Variants in PTGR1 observed in about 807,000 individuals in gnomAD.
PTGR1 encodes the protein 15-oxoprostaglandin 13-reductase.
PTGR1 carries 23 observed loss-of-function variants against 37.7 expected under a neutral mutation model. That is an observed-to-expected ratio of 0.61 (90% CI 0.44 to 0.86). PTGR1 has a LOEUF of 0.86. Among genes scored for constraint, PTGR1 ranks in the 40% least tolerant of loss-of-function variants. PTGR1 has a pLI of 0.00. For missense variants in PTGR1, 351 were observed against 394.3 expected (o/e 0.89, Z 0.93); for synonymous variants, 134 against 140.0 (o/e 0.96, Z 0.30).
intron 9 of PTGR1, among the ~76,000 whole-genome samples, chr9:111,554,235 C>T (rs905262787): frequency 1.3e-5 from 2 of 152,062 alleles, no homozygotes; most frequent in African/African-American, 2.4e-5. Context: ...TGTTTGTTTG[C>T]CTGGGAGCAT....
chr9:111,569,005 G>C lies in PTGR1; in HGVS notation c.879+1086C>G, dbSNP rs181947823. Among the ~76,000 whole-genome samples, 50 of 152,346 alleles carry C rather than the reference G, an allele frequency of 3.3e-4. 1 individual carries two copies. Among genetic ancestry groups the C allele is most frequent in the African/African-American group, 1.1e-3 (45 of 41,580 alleles). ...AAGATGACCAAGGCTTTTGGATTGA[G>C]AAACTAGAAGTATAGAATTGTTATA... On this transcript the variant is annotated intron_variant, in intron 9 of 9. Transcript: ENST00000407693.
At chr9:111,559,331 G>C (rs540278693), downstream of PTGR1, among the ~76,000 whole-genome samples, 1 of 152,142 alleles carries the variant, frequency 6.6e-6, no homozygotes, top group South Asian at 2.1e-4. Context: ...ATACTGTGTG[G>C]ACTTTGACTC....
chr9:111,593,723 C>T (rs562965797), intron 3 of PTGR1, among the ~76,000 whole-genome samples: 6 of 152,188 alleles, frequency 3.9e-5, no homozygotes, highest in Non-Finnish European at 5.9e-5. Context: ...GGCTGGAGTG[C>T]GGTGGCAAGA....
chr9:111,555,265 A>G (rs939829193), intron 9 of PTGR1, among the ~76,000 whole-genome samples: 3 of 152,174 alleles, frequency 2.0e-5, no homozygotes, highest in Non-Finnish European at 2.9e-5. Context: ...GTGAATTGAT[A>G]ATCACCTGGC....
chr9:111,570,310 T>C lies in PTGR1; in HGVS notation c.761-101A>G, dbSNP rs1828755204. 7 of 1,466,186 alleles carry C rather than the reference T, an allele frequency of 4.8e-6. 1 individual carries two copies. Among genetic ancestry groups the C allele is most frequent in the African/African-American group, 1.4e-5 (1 of 70,674 alleles). 90.8% of individuals were successfully genotyped at this position (1,466,186 alleles called of 1,614,324 possible). On this transcript the variant is annotated intron_variant, in intron 8 of 9. Transcript: ENST00000407693. ...GTCACTGTGCTTGGTGCTGGGAGTT[T>C]TTTGGTGCTTCTCCCCTTCCATTTC...
chr9:111,581,936 A>C (rs1478959838), intron 6 of PTGR1, among the ~76,000 whole-genome samples: 1 of 152,186 alleles, frequency 6.6e-6, no homozygotes, highest in Non-Finnish European at 1.5e-5. Context: ...TTTGAAGTTC[A>C]TATACATGTA....
At chr9:111,585,456 G>A (rs1000756515) in intron 5 of PTGR1, among the ~76,000 whole-genome samples, 1 of 152,126 alleles carries the variant, frequency 6.6e-6, no homozygotes, top group Non-Finnish European at 1.5e-5. Flanking sequence ...AAGAAGTGCT[G>A]GAATTATTTA....
chr9:111,557,388 AGAT>A (rs1019737024), intron 9 of PTGR1, among the ~76,000 whole-genome samples: 1 of 151,920 alleles, frequency 6.6e-6, no homozygotes, highest in African/African-American at 2.4e-5. Context: ...AAAAAAAAAA[AGAT>A]GACTTGAACA....
chr9:111,579,621 CTCCTAGGCTCAAGTGA>C (rs1468978093), intron 6 of PTGR1, among the ~76,000 whole-genome samples: 1 of 152,098 alleles, frequency 6.6e-6, no homozygotes, highest in Non-Finnish European at 1.5e-5. Flanking sequence ...TGATCTCGAA[CTCCTAGGCTCAAGTGA>C]TCCTTCTGCC....
rs200055805 is a variant in PTGR1 at position 111,570,217 on chromosome 9, G to A, written c.761-8C>T. 5.6e-5 allele frequency: 91 copies of A among 1,611,460 alleles called. 1 individual carries two copies. In the Middle Eastern group the frequency reaches 1.4e-3, roughly 24 times the overall value. On this transcript the variant is annotated splice_polypyrimidine_tract_variant and splice_region_variant and intron_variant, in intron 8 of 9. Coordinates refer to ENST00000407693, the MANE Select transcript of PTGR1 (RefSeq NM_001146108.2). ...CAATCTCTGGGGGTGGGCCTGTGAAGAGAAGGGCACATTTGGGTGGCAGGA... is the reference window on the plus strand; with the variant it reads ...CAATCTCTGGGGGTGGGCCTGTGAAAAGAAGGGCACATTTGGGTGGCAGGA...
At chr9:111,553,478 A>G (rs541655100) in intron 9 of PTGR1, among the ~76,000 whole-genome samples, 7 of 152,340 alleles carry the variant, frequency 4.6e-5, no homozygotes, top group East Asian at 1.9e-4. Context: ...TTGCATAGGT[A>G]TACTCTATCT....
downstream of PTGR1, among the ~76,000 whole-genome samples, chr9:111,559,521 C>G (rs925519866): frequency 1.4e-4 from 21 of 151,944 alleles, no homozygotes. Flanking sequence ...TGCTTGGGCT[C>G]CAACTCCCCT....
intron 7 of PTGR1, 45 bp from the exon 8 acceptor site, chr9:111,574,887 G>C (rs754717985): frequency 7.2e-7 from 1 of 1,386,672 alleles, no homozygotes; most frequent in South Asian, 1.2e-5. Context: ...CTAAATACTA[G>C]AGATTCAGGA....
intron 8 of PTGR1, among the ~76,000 whole-genome samples, chr9:111,571,034 G>C (rs1828798166): frequency 7.6e-6 from 1 of 132,384 alleles, no homozygotes. Context: ...GCTTGAAAAG[G>C]CAAGGAAGCA....
At chr9:111,554,943 G>A (rs890441201) in intron 9 of PTGR1, among the ~76,000 whole-genome samples, 177 of 152,262 alleles carry the variant, frequency 1.2e-3, no homozygotes, top group African/African-American at 4.1e-3. Context: ...CTAAATGTCA[G>A]TGCCTGTTAA....
chr9:111,555,090 T>C (rs1354342864), intron 9 of PTGR1, among the ~76,000 whole-genome samples: 1 of 152,182 alleles, frequency 6.6e-6, no homozygotes, highest in Non-Finnish European at 1.5e-5. Flanking sequence ...CATGGTGGGA[T>C]AGGAGTTGGA....
intron 7 of PTGR1, chr9:111,575,570 A>G (rs889078689): frequency 2.6e-5 from 4 of 152,252 alleles, no homozygotes; most frequent in African/African-American, 9.6e-5. Flanking sequence ...AATGGAACTG[A>G]ATCACGAGTC....
At chr9:111,569,336 C>T (rs952116439) in intron 9 of PTGR1, among the ~76,000 whole-genome samples, 5 of 152,136 alleles carry the variant, frequency 3.3e-5, no homozygotes, top group Admixed American at 6.5e-5. Flanking sequence ...GAGGACCAAT[C>T]AGTGAGGAAA....
chr9:111,550,122 G>GTA (rs1827896423), intron 9 of PTGR1, among the ~76,000 whole-genome samples: 1 of 152,048 alleles, frequency 6.6e-6, no homozygotes, highest in Admixed American at 6.5e-5. Flanking sequence ...TCTGTGCTAG[G>GTA]GATCAGCCTG....
Sources: allele counts gnomAD v4.1 joint callset (sites outside exome capture counted in the v4.1 genomes callset), GRCh38; gene constraint gnomAD v4.1.1; transcripts MANE v1.5; gene names NCBI Gene and HGNC (gene_info 2026-07-23, HGNC 2026-07-21).